The following GMDS variants were observed in gnomAD, a reference collection of about 807,000 sequenced individuals.
GMDS encodes GDP-mannose 4,6-dehydratase, also known as GDP-mannose 4,6 dehydratase.
Under a neutral mutation model 49.9 loss-of-function variants are expected in GMDS, and 20 were observed. The ratio of observed to expected loss-of-function variants is 0.40; its 90% confidence interval spans 0.28 to 0.58. The LOEUF (loss-of-function observed/expected upper bound fraction) is 0.58, where lower values mean the gene tolerates loss of function less well. Among genes scored for constraint, GMDS ranks in the 20% least tolerant of loss-of-function variants. The probability of loss-of-function intolerance (pLI) is 0.42; values close to 1 mark genes in which losing one functional copy is unlikely to be tolerated. For missense variants in GMDS, 362 were observed against 481.4 expected (o/e 0.75, Z 2.32); for synonymous variants, 177 against 178.6 (o/e 0.99, Z 0.07).
At chr6:1,965,984 G>A (rs906531394) in intron 4 of GMDS, among the ~76,000 whole-genome samples, 2 of 152,176 alleles carry the variant, frequency 1.3e-5, no homozygotes, top group African/African-American at 4.8e-5. Flanking sequence ...ATCTGCTTTT[G>A]TAATTAAGTT....
chr6:1,806,423 A>T (rs1158026818), intron 7 of GMDS, among the ~76,000 whole-genome samples: 1 of 148,664 alleles, frequency 6.7e-6, no homozygotes, highest in Non-Finnish European at 1.5e-5. Context: ...GTCAAAAGAG[A>T]CCTCGAGCAC....
intron 7 of GMDS, among the ~76,000 whole-genome samples, chr6:1,920,461 G>C (rs1237374144): frequency 1.3e-5 from 2 of 152,240 alleles, no homozygotes; most frequent in African/African-American, 4.8e-5. Context: ...GAAAGAGACA[G>C]AGCAAGAGAG....
intron 4 of GMDS, among the ~76,000 whole-genome samples, chr6:2,031,067 T>G (rs1768926434): frequency 6.6e-6 from 1 of 152,210 alleles, no homozygotes; most frequent in African/African-American, 2.4e-5. Flanking sequence ...CAGGTGCAGC[T>G]ACGGTAAACT....
chr6:1,828,392 G>A (rs1771217685), intron 7 of GMDS, among the ~76,000 whole-genome samples: 1 of 152,128 alleles, frequency 6.6e-6, no homozygotes, highest in Non-Finnish European at 1.5e-5. Flanking sequence ...AGAAGTAATG[G>A]TTGATAACTT....
chr6:2,003,283 G>C (rs1018697956), intron 4 of GMDS, among the ~76,000 whole-genome samples: 3 of 152,144 alleles, frequency 2.0e-5, no homozygotes, highest in Non-Finnish European at 4.4e-5. Flanking sequence ...CACTGAGGTT[G>C]GGAATGTTAC....
intron 1 of GMDS, among the ~76,000 whole-genome samples, chr6:2,131,935 T>C (rs1427168916): frequency 6.6e-6 from 1 of 152,168 alleles, no homozygotes. Context: ...TATGGCCTAC[T>C]ATCACTACAA....
intron 4 of GMDS, among the ~76,000 whole-genome samples, chr6:2,064,931 T>G (rs534931310): frequency 6.6e-6 from 1 of 152,262 alleles, no homozygotes; most frequent in South Asian, 2.1e-4. Context: ...AACAAAAAAG[T>G]TAAGCAGCTT....
intron 7 of GMDS, among the ~76,000 whole-genome samples, chr6:1,749,188 G>A (rs1187777886): frequency 6.6e-6 from 1 of 152,186 alleles, no homozygotes; most frequent in Non-Finnish European, 1.5e-5. Context: ...CCCATGAATT[G>A]TAGGGCTGCC....
At chr6:2,220,745 G>A (rs796149974) in intron 1 of GMDS, among the ~76,000 whole-genome samples, 22 of 151,582 alleles carry the variant, frequency 1.5e-4, no homozygotes, top group African/African-American at 4.8e-4. Context: ...ATTTCTCTAC[G>A]TATATGAAAA....
intron 8 of GMDS, among the ~76,000 whole-genome samples, chr6:1,729,808 G>A (rs1030401172): frequency 1.3e-5 from 2 of 152,168 alleles, no homozygotes; most frequent in South Asian, 4.1e-4. Flanking sequence ...TAAATTGTTG[G>A]CTCCTAATAA....
intron 9 of GMDS, among the ~76,000 whole-genome samples, chr6:1,681,586 G>A (rs1764795380): frequency 6.6e-6 from 1 of 152,204 alleles, no homozygotes; most frequent in Non-Finnish European, 1.5e-5. Context: ...CCGGTGGAGA[G>A]TGGCATCCGC....
intron 4 of GMDS, among the ~76,000 whole-genome samples, chr6:2,051,947 T>A (rs948620814): frequency 6.6e-6 from 1 of 151,668 alleles, no homozygotes; most frequent in South Asian, 2.1e-4. Flanking sequence ...TGAAACCCCA[T>A]CCCTACTAAA....
At chr6:1,689,779 C>T (rs1330105300) in intron 9 of GMDS, among the ~76,000 whole-genome samples, 3 of 152,192 alleles carry the variant, frequency 2.0e-5, no homozygotes, top group Non-Finnish European at 1.5e-5. Context: ...ACCTCATAAA[C>T]GTCTTCTGAA....
rs113034548 is a variant in GMDS at position 2,036,936 on chromosome 6, T to TA, written c.346-75971dup. ...AGGTTTTAAATAAGTGCTCAGTAGA[T>TA]ACATCCTAATTTCTATTCCTGTTGT... On this transcript the variant is annotated intron_variant, in intron 4 of 10. Transcript: ENST00000380815. Among the ~76,000 whole-genome samples the TA allele has an allele frequency of 1.2e-4, 19 of 152,324 alleles. 1 individual carries two copies. The highest frequency in any genetic ancestry group is 4.3e-4 in the African/African-American group (18 of 41,584).
At chr6:2,207,676 G>A (rs1267916235) in intron 1 of GMDS, among the ~76,000 whole-genome samples, 1 of 151,910 alleles carries the variant, frequency 6.6e-6, no homozygotes, top group African/African-American at 2.4e-5. Context: ...ATTTGTTGAA[G>A]GAATGAATAC....
At chr6:2,121,770 G>A (rs1029086082) in intron 2 of GMDS, among the ~76,000 whole-genome samples, 1 of 152,136 alleles carries the variant, frequency 6.6e-6, no homozygotes, top group Admixed American at 6.5e-5. Context: ...GCGTCTAACT[G>A]TGCTACATGA....
At chr6:2,035,357 A>C (rs1769237647) in intron 4 of GMDS, among the ~76,000 whole-genome samples, 1 of 152,148 alleles carries the variant, frequency 6.6e-6, no homozygotes, top group African/African-American at 2.4e-5. Context: ...CTCAAAGCTT[A>C]TCCATTCTTC....
At position 1,860,344 on chromosome 6, in the gene GMDS, T is replaced by A. The variant is rs150012394; in HGVS notation, c.771+69759A>T. 4.6e-3 allele frequency among the ~76,000 whole-genome samples: 704 copies of A among 152,248 alleles called. 4 individuals are homozygous for A. Among genetic ancestry groups the A allele is most frequent in the African/African-American group, 0.016 (665 of 41,542 alleles). On this transcript the variant is annotated intron_variant, in intron 7 of 10. Transcript: ENST00000380815. ...CATGGATAAATCTCAAATGCACATGTGAAGTAAAAGAAGACAGACTCCAAA... is the reference window on the plus strand; with the variant it reads ...CATGGATAAATCTCAAATGCACATGAGAAGTAAAAGAAGACAGACTCCAAA...
At chr6:1,882,726 C>T (rs1161739480) in intron 7 of GMDS, among the ~76,000 whole-genome samples, 1 of 152,202 alleles carries the variant, frequency 6.6e-6, no homozygotes, top group Non-Finnish European at 1.5e-5. Context: ...AATGTGGCCA[C>T]AGACAGGATA....
Sources: gnomAD v4.1 joint callset for allele counts (sites outside exome capture counted in the v4.1 genomes callset) on GRCh38, gnomAD v4.1.1 for gene constraint, MANE v1.5 for transcripts, NCBI Gene and HGNC (gene_info 2026-07-23, HGNC 2026-07-21) for gene names.